Variants in ZNF251 observed in about 807,000 individuals in gnomAD.
ZNF251 encodes the protein zinc finger protein 251.
Under a neutral mutation model 13.5 loss-of-function variants are expected in ZNF251, and 14 were observed. The observed-to-expected ratio is 1.04, with a 90% CI of 0.69 to 1.63. The LOEUF is 1.63. Among genes scored for constraint, ZNF251 ranks in the 40% most tolerant of loss-of-function variants. The pLI is 0.00. For synonymous variants in ZNF251, 287 were observed against 295.2 expected (o/e 0.97, Z 0.28); for missense variants, 764 against 834.9 (o/e 0.92, Z 1.05).
rs1824851949 is a variant in ZNF251 at position 144,754,337 on chromosome 8, G to A, written c.34-16C>T. ...GCGGCATCTCCTGCAACAAAACATCGCCGCTGCCCAGGCCATGCCCACGGG... is the reference window on the plus strand; with the variant it reads ...GCGGCATCTCCTGCAACAAAACATCACCGCTGCCCAGGCCATGCCCACGGG... On this transcript the variant is annotated splice_polypyrimidine_tract_variant and intron_variant, in intron 2 of 4. Transcript: ENST00000292562. 2 of 1,590,076 alleles carry A rather than the reference G, an allele frequency of 1.3e-6. No individual in the cohort carries two copies. Among genetic ancestry groups the A allele is most frequent in the East Asian group, 2.3e-5 (1 of 43,814 alleles).
intron 4 of ZNF251, chr8:144,753,446 A>G: frequency 2.3e-6 from 1 of 442,250 alleles, no homozygotes; most frequent in Admixed American, 4.1e-5. Flanking sequence ...AAATCACCAA[A>G]ACAAAAATAT....
chr8:144,737,160 T>C (rs1417261283), intron 4 of ZNF251, among the ~76,000 whole-genome samples: 1 of 152,012 alleles, frequency 6.6e-6, no homozygotes, highest in Non-Finnish European at 1.5e-5. Context: ...GTACAGTGGA[T>C]GATCTCAGCT....
intron 4 of ZNF251, among the ~76,000 whole-genome samples, chr8:144,739,489 T>G (rs1302600676): frequency 1.3e-5 from 2 of 152,226 alleles, no homozygotes; most frequent in Non-Finnish European, 2.9e-5. Flanking sequence ...TACAGGGCTT[T>G]CTACAAAATA....
chr8:144,749,962 T>A (rs993788769), intron 4 of ZNF251, among the ~76,000 whole-genome samples: 1 of 151,624 alleles, frequency 6.6e-6, no homozygotes, highest in Non-Finnish European at 1.5e-5. Flanking sequence ...CAAGCAATCC[T>A]GCTACACTAT....
intron 4 of ZNF251, among the ~76,000 whole-genome samples, chr8:144,723,986 G>A (rs1277544151): frequency 6.6e-6 from 1 of 152,102 alleles, no homozygotes; most frequent in East Asian, 1.9e-4. Context: ...GCTCACGCCC[G>A]TAATCCCAGC....
In ZNF251 at chr8:144,754,286, G is replaced by A. The variant is rs74813169; in HGVS notation, c.69C>T (p.Tyr23=). The A allele has an allele frequency of 7.4e-6, 12 of 1,612,812 alleles. No individual in the cohort carries two copies. In the African/African-American group the frequency reaches 1.6e-4, roughly 22 times the overall value. The change falls in exon 3 of 5, where the codon TAC becomes TAT. Residue 23 remains tyrosine, a synonymous_variant. Coordinates refer to ENST00000292562, the MANE Select transcript of ZNF251 (RefSeq NM_138367.2). The part of the protein sequence containing the change: ...MPLTFQDVAV[Y]FSQAEGRQLG... Reference sequence around the variant, plus strand: ...GCTGCCGCCCCTCCGCCTGAGAGAAGTACACGGCCACATCCTGGAAGGTCA... The same window carrying A: ...GCTGCCGCCCCTCCGCCTGAGAGAAATACACGGCCACATCCTGGAAGGTCA...
Position 144,721,806 on chromosome 8 carries a change from AC to A in ZNF251, c.1853del (p.Gly618ValfsTer34). ...ACACACTGCAATGACATGGTTTCTGACCAGTGTGAGTTACCTGATGTTGAAT... is the reference window on the plus strand; with the variant it reads ...ACACACTGCAATGACATGGTTTCTGACAGTGTGAGTTACCTGATGTTGAAT... ...TLIQHQVTHT[G>X]QKPCHCSVYG... On this transcript the variant is annotated frameshift_variant, in exon 5 of 5. Coordinates refer to ENST00000292562, the MANE Select transcript of ZNF251 (RefSeq NM_138367.2). LOFTEE classifies it low-confidence loss of function (END_TRUNC). 1 of 1,485,504 alleles carries A rather than the reference AC, an allele frequency of 6.7e-7. No individual in the cohort carries two copies. Among genetic ancestry groups the A allele is most frequent in the South Asian group, 1.5e-5 (1 of 65,524 alleles). 92.0% of individuals were successfully genotyped at this position (1,485,504 alleles called of 1,614,324 possible).
chr8:144,754,626 A>T, intron 2 of ZNF251, 70 bp downstream of exon 2: 1 of 1,544,210 alleles, frequency 6.5e-7, no homozygotes, highest in Non-Finnish European at 8.7e-7. Context: ...TCACGGCTCC[A>T]GAGGAGAGTA....
chr8:144,725,481 CAG>C (rs1236148964), intron 4 of ZNF251, among the ~76,000 whole-genome samples: 2 of 151,572 alleles, frequency 1.3e-5, no homozygotes, highest in Admixed American at 1.3e-4. Context: ...TTTGTAGAGA[CAG>C]GGTCTCACTG....
rs1336341384 is a variant in ZNF251, at chr8:144,755,435, G to C, written c.-106C>G. On this transcript the variant is annotated 5_prime_UTR_variant, in exon 1 of 5. Coordinates refer to ENST00000292562, the MANE Select transcript of ZNF251 (RefSeq NM_138367.2). ...TGCTCGACCCGGGGAAGCCACCGAG[G>C]AAGCGCCGAGGAGCTGCGCAGTCGC... The C allele has an allele frequency of 3.9e-6, 5 of 1,288,076 alleles. No homozygotes were observed. Among genetic ancestry groups the C allele is most frequent in the Non-Finnish European group, 4.0e-6 (4 of 988,828 alleles). 79.8% of individuals were successfully genotyped at this position (1,288,076 alleles called of 1,614,324 possible).
chr8:144,735,908 G>T (rs1318399691), intron 4 of ZNF251, among the ~76,000 whole-genome samples: 1 of 152,170 alleles, frequency 6.6e-6, no homozygotes, highest in Non-Finnish European at 1.5e-5. Flanking sequence ...GCTGCTTCCT[G>T]GTGCTCGGCA....
chr8:144,742,933 T>C (rs977567493), intron 4 of ZNF251, among the ~76,000 whole-genome samples: 5 of 152,216 alleles, frequency 3.3e-5, no homozygotes, highest in African/African-American at 1.2e-4. Context: ...CACATATAAG[T>C]GGACCTGGGA....
At chr8:144,725,016 GTT>G (rs71320840) in intron 4 of ZNF251, among the ~76,000 whole-genome samples, 3 of 149,946 alleles carry the variant, frequency 2.0e-5, no homozygotes, top group East Asian at 2.0e-4. Flanking sequence ...TTTCTTTCTT[GTT>G]TTTTTTTTCT....
chr8:144,746,269 G>C lies in ZNF251; in HGVS notation c.277+7414C>G, dbSNP rs1016654423. ...CCACATGATCTTTCTTCAGCCTGTT[G>C]ATGTGGTACATCACATTACATTAAT... On this transcript the variant is annotated intron_variant, in intron 4 of 4. Transcript: ENST00000292562. Among the ~76,000 whole-genome samples the C allele has an allele frequency of 2.0e-5, 3 of 152,202 alleles. No homozygotes were observed. The South Asian group carries it at 6.2e-4, about 31-fold the overall frequency.
intron 2 of ZNF251, 171 bp from the exon 3 acceptor site, chr8:144,754,492 T>G (rs1413072260): frequency 6.9e-7 from 1 of 1,446,022 alleles, no homozygotes; most frequent in Non-Finnish European, 9.1e-7. Flanking sequence ...ACCAGCCAAC[T>G]TCAGCTACAC....
intron 1 of ZNF251, chr8:144,755,181 G>T: frequency 8.5e-7 from 1 of 1,172,336 alleles, no homozygotes; most frequent in Middle Eastern, 3.9e-4. Context: ...GCTGCCGAAG[G>T]CCCCAGGCTC....
chr8:144,755,418 C>T lies in ZNF251; in HGVS notation c.-89G>A, dbSNP rs1824919018. ...ACACTGCCCCACCTGTTTGCTCGAC[C>T]CGGGGAAGCCACCGAGGAAGCGCCG... On this transcript the variant is annotated 5_prime_UTR_variant, in exon 1 of 5. Transcript: ENST00000292562. 2.3e-6 allele frequency: 3 copies of T among 1,288,080 alleles called. No individual in the cohort carries two copies. Among genetic ancestry groups the T allele is most frequent in the African/African-American group, 3.0e-5 (2 of 65,798 alleles). 79.8% of individuals were successfully genotyped at this position (1,288,080 alleles called of 1,614,324 possible).
At chr8:144,735,313 G>A (rs1019974058) in intron 4 of ZNF251, among the ~76,000 whole-genome samples, 14 of 150,368 alleles carry the variant, frequency 9.3e-5, no homozygotes, top group African/African-American at 3.4e-4. Flanking sequence ...CTTGAACCCA[G>A]GAGGCAGAGG....
Position 144,722,596 on chromosome 8 carries a change from C to T in ZNF251, c.1064G>A (p.Gly355Glu), listed in dbSNP as rs769194146. ...GEKPHECSHC[G>E]KAFSRSSSLI... ...GCTGGAGCTTCGACTGAAGGCCTTC[C>T]CACAGTGACTGCATTCATGCGGCTT... is the stretch of plus-strand genomic sequence containing the variant. Residue 355 changes from glycine (G) to glutamate (E), a missense_variant, in exon 5 of 5, where the codon GGG (glycine) becomes GAG (glutamate). Gly to Glu is a moderately conservative substitution (Grantham distance 98). Coordinates refer to ENST00000292562, the MANE Select transcript of ZNF251 (RefSeq NM_138367.2). This position sits in a 1 kb window ranked among gnomAD's most constrained non-coding sequence, Gnocchi z 4.8. 1.9e-5 allele frequency: 31 copies of T among 1,614,060 alleles called. No homozygotes were observed. The highest frequency in any genetic ancestry group is 2.6e-5 in the Non-Finnish European group (31 of 1,180,030).
Sources: gnomAD v4.1 joint callset for allele counts (sites outside exome capture counted in the v4.1 genomes callset) on GRCh38, gnomAD v4.1.1 for gene constraint, Gnocchi (gnomAD v3.1) non-coding constraint, MANE v1.5 for transcripts, NCBI Gene and HGNC (gene_info 2026-07-23, HGNC 2026-07-21) for gene names.